The following TYR variants were observed in gnomAD, a reference collection of about 807,000 sequenced individuals.
TYR encodes tyrosinase.
Under a neutral mutation model 51.5 loss-of-function variants are expected in TYR, and 58 were observed. The ratio of observed to expected loss-of-function variants is 1.13; its 90% confidence interval spans 0.91 to 1.40. The LOEUF is 1.40. TYR is among the 40% of genes most tolerant of loss of function. The pLI, the probability that TYR is intolerant of heterozygous loss-of-function variation, is 0.00. For synonymous variants in TYR, 263 were observed against 235.2 expected (o/e 1.12, Z -1.08); for missense variants, 732 against 647.4 (o/e 1.13, Z -1.42).
At chr11:89,266,539 C>A (rs1247357688) in intron 3 of TYR, among the ~76,000 whole-genome samples, 1 of 151,944 alleles carries the variant, frequency 6.6e-6, no homozygotes, top group Admixed American at 6.6e-5. Context: ...ACAACAACAA[C>A]AAAATCCAAT....
intron 2 of TYR, among the ~76,000 whole-genome samples, chr11:89,199,375 T>C (rs1463622372): frequency 6.6e-6 from 1 of 152,210 alleles, no homozygotes. Context: ...ATATGAATAT[T>C]GACAAAGTAA....
At chr11:89,285,635 G>GC (rs753403941) in intron 4 of TYR, among the ~76,000 whole-genome samples, 13 of 151,634 alleles carry the variant, frequency 8.6e-5, no homozygotes, top group Non-Finnish European at 1.3e-4. Flanking sequence ...CCTTCTACCT[G>GC]AAAGTCCACT....
chr11:89,228,321 T>C (rs1419411858), intron 3 of TYR, among the ~76,000 whole-genome samples: 1 of 152,176 alleles, frequency 6.6e-6, no homozygotes, highest in Non-Finnish European at 1.5e-5. Flanking sequence ...TGAGTCTTTG[T>C]ACTTCCATGC....
At chr11:89,193,383 G>C (rs1943472872) in intron 2 of TYR, among the ~76,000 whole-genome samples, 1 of 152,086 alleles carries the variant, frequency 6.6e-6, no homozygotes, top group Admixed American at 6.6e-5. Context: ...TTTCAAGTGA[G>C]AGTCTAATAC....
At chr11:89,283,338 C>T (rs925564237) in intron 3 of TYR, among the ~76,000 whole-genome samples, 1 of 151,762 alleles carries the variant, frequency 6.6e-6, no homozygotes, top group African/African-American at 2.4e-5. Flanking sequence ...CATTTGGCTT[C>T]CTTGTTCTCT....
chr11:89,255,650 A>G (rs1299133115), intron 3 of TYR, among the ~76,000 whole-genome samples: 1 of 151,758 alleles, frequency 6.6e-6, no homozygotes, highest in East Asian at 1.9e-4. Flanking sequence ...GTGGTTTTCA[A>G]AGAAGTAGTT....
At chr11:89,290,053 G>T (rs1332733119) in intron 4 of TYR, among the ~76,000 whole-genome samples, 2 of 152,004 alleles carry the variant, frequency 1.3e-5, no homozygotes, top group Admixed American at 6.6e-5. Flanking sequence ...TACTTCATGT[G>T]TTTGTTTTGT....
intron 2 of TYR, among the ~76,000 whole-genome samples, chr11:89,220,530 C>T (rs1049826139): frequency 4.6e-5 from 7 of 152,090 alleles, no homozygotes; most frequent in African/African-American, 1.7e-4. Context: ...TTAGATAAAC[C>T]ACCTATCCTC....
At chr11:89,253,537 G>A (rs113408208) in intron 3 of TYR, among the ~76,000 whole-genome samples, 2,419 of 151,672 alleles carry the variant, frequency 0.016, 62 homozygotes, top group African/African-American at 0.054. Flanking sequence ...CTTTCACCTC[G>A]TTGGTTAGGT....
intron 4 of TYR, among the ~76,000 whole-genome samples, chr11:89,289,979 C>A (rs1774409800): frequency 6.6e-6 from 1 of 152,004 alleles, no homozygotes; most frequent in African/African-American, 2.4e-5. Flanking sequence ...AAGGGCTATA[C>A]ATACATTGTC....
intron 3 of TYR, among the ~76,000 whole-genome samples, chr11:89,260,250 C>T (rs1431836953): frequency 1.1e-5 from 1 of 91,056 alleles, no homozygotes; most frequent in African/African-American, 3.9e-5. Flanking sequence ...GAATAAAATG[C>T]AAAAAAAAAA....
intron 2 of TYR, among the ~76,000 whole-genome samples, chr11:89,212,158 G>GT (rs962951839): frequency 6.6e-6 from 1 of 152,094 alleles, no homozygotes; most frequent in African/African-American, 2.4e-5. Flanking sequence ...TCCACGAGCT[G>GT]TTTTTTTGAA....
intron 3 of TYR, among the ~76,000 whole-genome samples, chr11:89,269,887 T>C (rs1444906200): frequency 6.6e-6 from 1 of 151,944 alleles, no homozygotes; most frequent in Non-Finnish European, 1.5e-5. Flanking sequence ...GATGCTATTA[T>C]TTCAAACCCA....
In TYR at chr11:89,180,922, A is replaced by C. The variant is rs1330738857; in HGVS notation, c.819+2150A>C. 4.6e-5 allele frequency among the ~76,000 whole-genome samples: 7 copies of C among 152,296 alleles called. No homozygotes were observed. The East Asian group carries it at 1.4e-3, about 29-fold the overall frequency. ...CTTTAATTCAGAGTTCTCAATGTCA[A>C]AATCACCTAGGAAGCTTCCAAAAAA... On this transcript the variant is annotated intron_variant, in intron 1 of 4. Coordinates refer to ENST00000263321, the MANE Select transcript of TYR (RefSeq NM_000372.5).
At chr11:89,200,711 T>G (rs1405873071) in intron 2 of TYR, 1 of 152,132 alleles carries the variant, frequency 6.6e-6, no homozygotes, top group Non-Finnish European at 1.5e-5. Flanking sequence ...ACACTACATC[T>G]GACTACTTCT....
intron 2 of TYR, among the ~76,000 whole-genome samples, chr11:89,204,689 C>T (rs532528132): frequency 2.0e-4 from 30 of 152,126 alleles, no homozygotes; most frequent in Non-Finnish European, 2.9e-4. Context: ...TGAGCCACTG[C>T]GCCCAGCTGA....
At chr11:89,270,483 C>T (rs1463804095) in intron 3 of TYR, among the ~76,000 whole-genome samples, 2 of 151,828 alleles carry the variant, frequency 1.3e-5, no homozygotes, top group East Asian at 3.9e-4. Flanking sequence ...AGCACCTTTC[C>T]TCATTTGGCT....
chr11:89,182,637 A>T (rs1263166969), intron 1 of TYR, among the ~76,000 whole-genome samples: 1 of 152,172 alleles, frequency 6.6e-6, no homozygotes, highest in Non-Finnish European at 1.5e-5. Flanking sequence ...TTCCTAATTC[A>T]TGTCTGTTGT....
At chr11:89,209,673 C>A (rs1027937472) in intron 2 of TYR, among the ~76,000 whole-genome samples, 2 of 152,152 alleles carry the variant, frequency 1.3e-5, no homozygotes, top group Non-Finnish European at 2.9e-5. Context: ...GGTCCCTGAC[C>A]CCGTGTAGCC....
Sources: gnomAD v4.1 joint callset for allele counts (sites outside exome capture counted in the v4.1 genomes callset) on GRCh38, gnomAD v4.1.1 for gene constraint, MANE v1.5 for transcripts, NCBI Gene and HGNC (gene_info 2026-07-23, HGNC 2026-07-21) for gene names.